Variants in MYCBP2 observed in about 807,000 individuals in gnomAD.
The protein encoded by MYCBP2 is MYC binding protein 2, also known as E3 ubiquitin-protein ligase MYCBP2.
In MYCBP2, 120 loss-of-function variants were observed where a neutral mutation model predicts 525.3. The ratio of observed to expected loss-of-function variants is 0.23; its 90% CI spans 0.20 to 0.27. MYCBP2 has a LOEUF of 0.27. MYCBP2 is among the 10% of genes least tolerant of loss of function. The pLI is 1.00. For missense variants in MYCBP2, 4,149 were observed against 5,657.1 expected, an observed-to-expected ratio of 0.73 and a Z score of 8.55; for synonymous variants, 1,894 against 1,955.8, an observed-to-expected ratio of 0.97 and a Z score of 0.83.
chr13:77,104,889 A>C (rs1282113355), intron 55 of MYCBP2, among the ~76,000 whole-genome samples: 1 of 152,132 alleles, frequency 6.6e-6, no homozygotes, highest in Non-Finnish European at 1.5e-5. Flanking sequence ...TTAAAAAGTT[A>C]AATTTTTAAT....
chr13:77,308,524 T>C (rs1023933997), intron 1 of MYCBP2, among the ~76,000 whole-genome samples: 1 of 152,230 alleles, frequency 6.6e-6, no homozygotes, highest in African/African-American at 2.4e-5. Context: ...ACAGTACCTC[T>C]CCCACTGGAT....
In MYCBP2 at chr13:77,098,785, G is replaced by C. The variant is rs1594520246; in HGVS notation, c.8369C>G (p.Pro2790Arg). The change falls in exon 56 of 83, where the codon CCC (proline) becomes CGC (arginine). Residue 2790 changes from proline (P) to arginine (R), a missense_variant. This residue lies in a region of MYCBP2 where 653 missense variants were observed against 744.7 expected (regional missense o/e 0.88). Coordinates refer to ENST00000544440, the MANE Select transcript of MYCBP2 (RefSeq NM_015057.5). ...CAATGTCTGCAAGGTGTTATGGTTG[G>C]GGGATAATGACCTACTGTGGGAATC... ...RSDSHSRSLS[P>R]NHNTLQTLKS... The C allele has an allele frequency of 6.2e-7, 1 of 1,613,514 alleles. No individual in the cohort carries two copies. Among genetic ancestry groups the C allele is most frequent in the Non-Finnish European group, 8.5e-7 (1 of 1,179,736 alleles).
intron 55 of MYCBP2, chr13:77,109,579 T>C (rs1439609146): frequency 6.6e-6 from 1 of 152,174 alleles, no homozygotes; most frequent in Non-Finnish European, 1.5e-5. Flanking sequence ...AGGGATGTGG[T>C]TGAGGGATTT....
intron 19 of MYCBP2, 38 bp from the exon 20 acceptor site, chr13:77,224,570 T>A (rs375218951): frequency 7.2e-6 from 9 of 1,255,684 alleles, no homozygotes; most frequent in Non-Finnish European, 1.0e-5. Context: ...TTTCATTATA[T>A]GCATTTTACA....
At chr13:77,216,282 G>A (rs1406234166) in intron 21 of MYCBP2, among the ~76,000 whole-genome samples, 1 of 152,146 alleles carries the variant, frequency 6.6e-6, no homozygotes, top group African/African-American at 2.4e-5. Flanking sequence ...AACAGGAAAG[G>A]AGGGCTCTTG....
intron 55 of MYCBP2, among the ~76,000 whole-genome samples, chr13:77,119,911 G>A (rs1011770220): frequency 2.0e-5 from 3 of 152,004 alleles, no homozygotes; most frequent in African/African-American, 7.2e-5. Flanking sequence ...ATTTTTGAAC[G>A]ATATTCACAA....
At chr13:77,287,022 C>G (rs1220044865) in intron 3 of MYCBP2, among the ~76,000 whole-genome samples, 1 of 136,356 alleles carries the variant, frequency 7.3e-6, no homozygotes, top group Non-Finnish European at 1.6e-5. Context: ...GTAGCTGGGA[C>G]TACAGGCGCC....
intron 14 of MYCBP2, 32 bp from the exon 15 acceptor site, chr13:77,251,387 C>T: frequency 6.3e-7 from 1 of 1,582,166 alleles, no homozygotes; most frequent in Admixed American, 1.7e-5. Flanking sequence ...AATTTTTATA[C>T]AGGTTACTTT....
intron 81 of MYCBP2, 90 bp downstream of exon 81, chr13:77,051,721 C>T: frequency 1.1e-6 from 1 of 913,344 alleles, no homozygotes; most frequent in Non-Finnish European, 1.7e-6. Flanking sequence ...AGGAGAAAAG[C>T]CTGATTTACA....
chr13:77,178,862 G>T (rs1372777451), intron 34 of MYCBP2, among the ~76,000 whole-genome samples: 1 of 134,370 alleles, frequency 7.4e-6, no homozygotes, highest in East Asian at 2.3e-4. Flanking sequence ...AACTTTGGAA[G>T]GGGATCTACA....
At chr13:77,296,245 C>T (rs1344870338) in intron 2 of MYCBP2, among the ~76,000 whole-genome samples, 1 of 151,990 alleles carries the variant, frequency 6.6e-6, no homozygotes, top group Non-Finnish European at 1.5e-5. Flanking sequence ...TACCGTGAGA[C>T]CCTGTCTCTA....
intron 40 of MYCBP2, among the ~76,000 whole-genome samples, chr13:77,167,629 A>G (rs2058691092): frequency 6.6e-6 from 1 of 152,240 alleles, no homozygotes; most frequent in Admixed American, 6.5e-5. Flanking sequence ...TGCAGACATT[A>G]AATTGTTTTC....
chr13:77,222,426 A>G (rs1345010061), intron 20 of MYCBP2, among the ~76,000 whole-genome samples: 2 of 152,120 alleles, frequency 1.3e-5, no homozygotes, highest in East Asian at 1.9e-4. Flanking sequence ...CAACTCAATG[A>G]TATCTCAATC....
At chr13:77,290,847 C>T (rs1320544334) in intron 2 of MYCBP2, among the ~76,000 whole-genome samples, 1 of 152,092 alleles carries the variant, frequency 6.6e-6, no homozygotes, top group African/African-American at 2.4e-5. Context: ...TGCACACAAA[C>T]ACATACACAC....
chr13:77,321,111 C>A (rs2081556504), intron 1 of MYCBP2, among the ~76,000 whole-genome samples: 1 of 152,072 alleles, frequency 6.6e-6, no homozygotes, highest in Non-Finnish European at 1.5e-5. Context: ...TTAACCTAAC[C>A]CCTCCTCAGA....
chr13:77,086,455 A>G (rs1458418802), intron 62 of MYCBP2, among the ~76,000 whole-genome samples: 1 of 151,964 alleles, frequency 6.6e-6, no homozygotes, highest in African/African-American at 2.4e-5. Context: ...CTTGGGGTTT[A>G]CTGGGCTTCT....
chr13:77,271,041 G>T (rs927527093), intron 5 of MYCBP2, among the ~76,000 whole-genome samples: 2 of 151,270 alleles, frequency 1.3e-5, no homozygotes, highest in African/African-American at 2.4e-5. Flanking sequence ...AGTTCGATTT[G>T]TTTTTTTTCC....
intron 3 of MYCBP2, among the ~76,000 whole-genome samples, chr13:77,287,295 C>T (rs1236594649): frequency 6.6e-6 from 1 of 151,630 alleles, no homozygotes; most frequent in African/African-American, 2.4e-5. Flanking sequence ...AAGCAATTTT[C>T]CTGCCTCAGC....
At position 77,130,163 on chromosome 13, in the gene MYCBP2, T is replaced by C. The variant is rs554794871; in HGVS notation, c.7660-3621A>G. On this transcript the variant is annotated intron_variant, in intron 52 of 82. Transcript: ENST00000544440. ...GTAGCAATTGCACAATTTTATTGCT[T>C]ATGTAAATATTATGATAAACGGTTA... Among the ~76,000 whole-genome samples the C allele has an allele frequency of 9.9e-5, 15 of 151,920 alleles. 1 individual carries two copies. The highest frequency in any genetic ancestry group is 3.6e-4 in the African/African-American group (15 of 41,530).
Sources: allele counts gnomAD v4.1 joint callset (sites outside exome capture counted in the v4.1 genomes callset), GRCh38; gene constraint gnomAD v4.1.1; regional missense constraint gnomAD v4.1.1; transcripts MANE v1.5; gene names NCBI Gene and HGNC (gene_info 2026-07-23, HGNC 2026-07-21).